The following GPC4 variants were observed in gnomAD, a reference collection of about 807,000 sequenced individuals.
GPC4 encodes the protein glypican 4.
A neutral mutation model predicts 35.0 loss-of-function variants in GPC4; 10 were observed. The ratio of observed to expected loss-of-function variants is 0.29; its 90% CI spans 0.18 to 0.48. The LOEUF (loss-of-function observed/expected upper bound fraction) is 0.48. Among genes scored for constraint, GPC4 ranks in the 20% least tolerant of loss-of-function variants. The pLI, the probability that GPC4 is intolerant of heterozygous loss-of-function variation, is 0.99. For missense variants in GPC4, 322 were observed against 451.3 expected (o/e 0.71, Z 2.60); for synonymous variants, 167 against 170.2 (o/e 0.98, Z 0.15).
At chrX:133,349,008 A>T (rs1224582454) in intron 1 of GPC4, among the ~76,000 whole-genome samples, 1 of 112,346 alleles carries the variant, frequency 8.9e-6, no homozygotes, top group African/African-American at 3.2e-5. Context: ...TATGAATAAA[A>T]AGCAGCCTAG....
chrX:133,323,595 A>T (rs1449957648), intron 3 of GPC4, among the ~76,000 whole-genome samples: 2 of 112,677 alleles, frequency 1.8e-5, no homozygotes, highest in African/African-American at 6.4e-5. Flanking sequence ...CACTTTCTGT[A>T]TTGGTAATTC....
Position 133,414,894 on chromosome X carries a change from C to G in GPC4, c.72G>C (p.Glu24Asp), listed in dbSNP as rs776008914. Residue 24 changes from glutamate (E) to aspartate (D), a missense_variant, in exon 1 of 9, where the codon GAG (glutamate) becomes GAC (aspartate). By Grantham distance (45) the Glu-to-Asp change is conservative. Transcript: ENST00000370828. ...CTTCCGAGCAACTTTTCGACTTGAG[C>G]TCGGCAGCCAGCAGCGCGGCGCTGA... ...AVLSAALLAA[E>D]LKSKSCSEVR... is the part of the protein sequence containing the mutation. 8.3e-7 allele frequency: 1 copy of G among 1,212,059 alleles called. No homozygotes were observed. Among genetic ancestry groups the G allele is most frequent in the Non-Finnish European group, 1.1e-6 (1 of 895,520 alleles).
At chrX:133,318,763 C>G (rs1166784486) in intron 3 of GPC4, among the ~76,000 whole-genome samples, 1 of 112,332 alleles carries the variant, frequency 8.9e-6, no homozygotes, top group African/African-American at 3.2e-5. Context: ...GTATCATGAA[C>G]CATGACAAAT....
intron 1 of GPC4, among the ~76,000 whole-genome samples, chrX:133,386,397 G>A (rs927652270): frequency 4.5e-5 from 5 of 111,967 alleles, no homozygotes; most frequent in Non-Finnish European, 9.4e-5. Flanking sequence ...AAGTAATTGG[G>A]CAAAGCCTAA....
chrX:133,401,781 A>G (rs753089463), intron 1 of GPC4, among the ~76,000 whole-genome samples: 1 of 111,750 alleles, frequency 8.9e-6, no homozygotes, highest in Non-Finnish European at 1.9e-5. Context: ...TTAACCAACC[A>G]GCCAGCTGGG....
At chrX:133,342,982 C>T (rs1164750761) in intron 1 of GPC4, among the ~76,000 whole-genome samples, 5 of 111,346 alleles carry the variant, frequency 4.5e-5, no homozygotes, top group Non-Finnish European at 9.4e-5. Context: ...TTTCTAAGCC[C>T]GGTGATCTTA....
chrX:133,377,710 C>G lies in GPC4; in HGVS notation c.160+37096G>C, dbSNP rs371779511. Among the ~76,000 whole-genome samples, 3 of 110,266 alleles carry G rather than the reference C, an allele frequency of 2.7e-5. No homozygotes were observed. The Admixed American group carries it at 2.9e-4, about 11-fold the overall frequency. On this transcript the variant is annotated intron_variant, in intron 1 of 8. Transcript: ENST00000370828. ...CAGAACTATTATCTTATCCTCCCCC[C>G]CTTTAAACATGAATCCTGGAACAGA... is the stretch of plus-strand genomic sequence containing the variant.
At chrX:133,308,727 G>A (rs1294417351) in intron 4 of GPC4, among the ~76,000 whole-genome samples, 4 of 111,016 alleles carry the variant, frequency 3.6e-5, no homozygotes, top group Non-Finnish European at 7.5e-5. Flanking sequence ...CATTATTTCA[G>A]TGCTCAAGAC....
chrX:133,356,381 A>G (rs2068541674), intron 1 of GPC4, among the ~76,000 whole-genome samples: 1 of 111,211 alleles, frequency 9.0e-6, no homozygotes, highest in South Asian at 3.8e-4. Flanking sequence ...AGTAGCTGGG[A>G]TTACAGACAC....
chrX:133,410,636 T>C (rs933898529), intron 1 of GPC4, among the ~76,000 whole-genome samples: 2 of 112,512 alleles, frequency 1.8e-5, no homozygotes, highest in Non-Finnish European at 3.7e-5. Flanking sequence ...TTGTTTCCCT[T>C]GTACACATAA....
intron 7 of GPC4, among the ~76,000 whole-genome samples, chrX:133,303,909 G>GGAAGGAAGGAAC (rs1261813686): frequency 9.1e-5 from 9 of 98,858 alleles, no homozygotes; most frequent in African/African-American, 3.0e-4. Context: ...GTTGGAGGAA[G>GGAAGGAAGGAAC]GAAGGAAGGA....
chrX:133,379,886 T>C (rs1221669761), intron 1 of GPC4, among the ~76,000 whole-genome samples: 2 of 111,923 alleles, frequency 1.8e-5, no homozygotes, highest in Non-Finnish European at 3.8e-5. Context: ...CTCTGTAGAC[T>C]ACAGCAATCC....
At chrX:133,335,247 A>G (rs1327439187) in intron 2 of GPC4, among the ~76,000 whole-genome samples, 2 of 111,663 alleles carry the variant, frequency 1.8e-5, no homozygotes, top group Non-Finnish European at 3.8e-5. Context: ...TGTCACTACC[A>G]CAATCTGGCT....
intron 2 of GPC4, among the ~76,000 whole-genome samples, chrX:133,329,479 T>C (rs974102154): frequency 5.4e-5 from 6 of 111,545 alleles, no homozygotes; most frequent in Admixed American, 1.9e-4. Flanking sequence ...AATTGGGAAC[T>C]GTTTATCCTA....
chrX:133,323,256 A>G (rs1403583602), intron 3 of GPC4, among the ~76,000 whole-genome samples: 1 of 111,917 alleles, frequency 8.9e-6, no homozygotes, highest in East Asian at 2.8e-4. Flanking sequence ...AGACAGGTGA[A>G]TCATTTGAGG....
intron 2 of GPC4, among the ~76,000 whole-genome samples, chrX:133,333,503 TTGTC>T (rs2068429758): frequency 8.8e-6 from 1 of 113,095 alleles, no homozygotes; most frequent in Admixed American, 9.3e-5. Flanking sequence ...TGTGTGCATT[TTGTC>T]TGAGCTTTTG....
intron 1 of GPC4, among the ~76,000 whole-genome samples, chrX:133,354,759 G>A (rs770056910): frequency 7.0e-4 from 73 of 105,025 alleles, no homozygotes; most frequent in African/African-American, 2.3e-3. Context: ...TAGTAGAGAC[G>A]GGGTTTCACC....
At chrX:133,409,157 A>G (rs1204251960) in intron 1 of GPC4, among the ~76,000 whole-genome samples, 3 of 39,840 alleles carry the variant, frequency 7.5e-5, no homozygotes, top group Admixed American at 1.9e-4. Flanking sequence ...TTCATCTTGG[A>G]AAAAAAAAAA....
intron 7 of GPC4, among the ~76,000 whole-genome samples, chrX:133,304,308 A>C (rs1343851580): frequency 9.0e-6 from 1 of 110,939 alleles, no homozygotes; most frequent in African/African-American, 3.3e-5. Context: ...TCAAACAAGC[A>C]AACAAAAAAA....
Sources: allele counts gnomAD v4.1 joint callset (sites outside exome capture counted in the v4.1 genomes callset), GRCh38; gene constraint gnomAD v4.1.1; transcripts MANE v1.5; gene names NCBI Gene and HGNC (gene_info 2026-07-23, HGNC 2026-07-21).